AGAP1: variants seen among roughly 807,000 people sequenced by gnomAD.
The protein encoded by AGAP1 is ArfGAP with GTPase domain, ankyrin repeat and PH domain 1.
Under a neutral mutation model 105.3 loss-of-function variants are expected in AGAP1, and 29 were observed. The observed-to-expected ratio is 0.28, with a 90% CI of 0.21 to 0.38. The LOEUF (loss-of-function observed/expected upper bound fraction) is 0.38, where lower values mean the gene tolerates loss of function less well. AGAP1 is among the 10% of genes least tolerant of loss of function. The pLI is 1.00. For missense variants in AGAP1, 998 were observed against 1,165.1 expected, an observed-to-expected ratio of 0.86 and a Z score of 2.09; for synonymous variants, 509 against 485.9, an observed-to-expected ratio of 1.05 and a Z score of -0.63.
At chr2:235,807,427 T>C in intron 9 of AGAP1, 96 bp downstream of exon 9, 1 of 1,070,474 alleles carries the variant, frequency 9.3e-7, no homozygotes, top group Non-Finnish European at 1.3e-6. Context: ...GTCTGTCTGA[T>C]GTGCTCTGTT....
chr2:235,746,488 G>C (rs1434839130), intron 5 of AGAP1, among the ~76,000 whole-genome samples: 2 of 146,838 alleles, frequency 1.4e-5, no homozygotes, highest in East Asian at 4.1e-4. Context: ...GAAGGGAGGA[G>C]GGATTCTTAG....
At chr2:235,859,437 G>T (rs557966683) in intron 9 of AGAP1, among the ~76,000 whole-genome samples, 1 of 132,224 alleles carries the variant, frequency 7.6e-6, no homozygotes, top group South Asian at 2.3e-4. Context: ...TTCAAAATGG[G>T]AGCATATTAC....
intron 1 of AGAP1, among the ~76,000 whole-genome samples, chr2:235,546,542 G>A (rs540452285): frequency 6.6e-6 from 1 of 152,310 alleles, no homozygotes; most frequent in African/African-American, 2.4e-5. Flanking sequence ...CCAGGCTGTG[G>A]CCCTTCCAAG....
At chr2:235,579,296 C>T (rs113953382) in intron 1 of AGAP1, among the ~76,000 whole-genome samples, 7 of 152,270 alleles carry the variant, frequency 4.6e-5, no homozygotes, top group African/African-American at 1.4e-4. Flanking sequence ...CCTGGTGTGA[C>T]GTAACCTTTC....
Position 235,879,620 on chromosome 2 carries a change from A to G in AGAP1, c.1051-3725A>G, listed in dbSNP as rs1046109873. On this transcript the variant is annotated intron_variant, in intron 9 of 17. Transcript: ENST00000304032. This position sits in a 1 kb window ranked among gnomAD's most constrained non-coding sequence, Gnocchi z 5.0. ...CTGGCACAGTGGCTCACTCCCTGTC[A>G]TCCAGCACTTTCTAAAGACCTAAGC... 8.5e-5 allele frequency among the ~76,000 whole-genome samples: 13 copies of G among 152,116 alleles called. No homozygotes were observed. Among genetic ancestry groups the G allele is most frequent in the Non-Finnish European group, 1.2e-4 (8 of 68,016 alleles).
chr2:235,558,953 C>T (rs959941399), intron 1 of AGAP1, among the ~76,000 whole-genome samples: 4 of 151,900 alleles, frequency 2.6e-5, no homozygotes, highest in African/African-American at 4.8e-5. Flanking sequence ...GATAGGGTCT[C>T]GCTGTGTGTC....
intron 2 of AGAP1, 72 bp downstream of exon 2, chr2:235,709,309 C>T: frequency 5.9e-6 from 9 of 1,529,914 alleles, no homozygotes; most frequent in South Asian, 2.2e-5. Context: ...CCTGCATTCC[C>T]AGGCAACTGG....
At chr2:235,647,120 CAAAAAA>C (rs72255791) in intron 1 of AGAP1, among the ~76,000 whole-genome samples, 2 of 117,622 alleles carry the variant, frequency 1.7e-5, no homozygotes, top group African/African-American at 5.9e-5. Flanking sequence ...GACTCCGTCT[CAAAAAA>C]AAAAAAAAAA....
At chr2:235,760,533 A>G (rs1285495183) in intron 6 of AGAP1, among the ~76,000 whole-genome samples, 1 of 152,186 alleles carries the variant, frequency 6.6e-6, no homozygotes, top group East Asian at 1.9e-4. Context: ...CAATTATTTC[A>G]TCTTAGAAGT....
chr2:235,863,094 A>G (rs752423658), intron 9 of AGAP1, among the ~76,000 whole-genome samples: 1 of 152,234 alleles, frequency 6.6e-6, no homozygotes, highest in Non-Finnish European at 1.5e-5. Flanking sequence ...AGAATCATTC[A>G]GTAATTCATT....
At position 235,700,620 on chromosome 2, in the gene AGAP1, C is replaced by T. The variant is rs1031378850; in HGVS notation, c.164-8559C>T. Among the ~76,000 whole-genome samples the T allele has an allele frequency of 3.9e-5, 6 of 152,008 alleles. No homozygotes were observed. Among genetic ancestry groups the T allele is most frequent in the Middle Eastern group, 3.4e-3 (1 of 294 alleles). ...TTCCAGACCAGCCTGGGGAACATGG[C>T]GAAACCCCGTCTCTACTGAAAATAC... On this transcript the variant is annotated intron_variant, in intron 1 of 17. Transcript: ENST00000304032. The surrounding 1 kb of genome is among the most constrained non-coding windows in gnomAD (Gnocchi z 6.1).
intron 10 of AGAP1, among the ~76,000 whole-genome samples, chr2:235,894,365 AAC>A (rs1247790636): frequency 3.3e-5 from 5 of 152,118 alleles, no homozygotes; most frequent in African/African-American, 1.2e-4. Flanking sequence ...CTTCCCTGGG[AAC>A]AGCCAGAGTC....
intron 16 of AGAP1, among the ~76,000 whole-genome samples, chr2:236,067,356 T>C (rs983569205): frequency 1.3e-5 from 2 of 151,596 alleles, no homozygotes; most frequent in African/African-American, 4.9e-5. Context: ...CATCTATTAG[T>C]TTTTTTAAGG....
At chr2:235,985,659 TGCATATGGCTAGCCAGTTTTCC>T (rs2055282464) in intron 13 of AGAP1, among the ~76,000 whole-genome samples, 1 of 152,250 alleles carries the variant, frequency 6.6e-6, no homozygotes, top group South Asian at 2.1e-4. Context: ...TTCAGTTTTC[TGCATATGGCTAGCCAGTTTTCC>T]GCATATGACT....
intron 12 of AGAP1, among the ~76,000 whole-genome samples, chr2:235,944,882 C>G (rs2125232825): frequency 6.6e-6 from 1 of 152,280 alleles, no homozygotes; most frequent in Middle Eastern, 3.4e-3. Flanking sequence ...ACACCACCTT[C>G]TGAAGCAGTC....
intron 13 of AGAP1, among the ~76,000 whole-genome samples, chr2:235,995,342 T>C (rs1270552103): frequency 1.3e-5 from 2 of 151,682 alleles, no homozygotes; most frequent in African/African-American, 2.4e-5. Flanking sequence ...TGGTGAAACC[T>C]GTTTCTACTA....
In AGAP1 at chr2:235,728,701, A is replaced by C. The variant is rs893535499; in HGVS notation, c.310+11057A>C. On this transcript the variant is annotated intron_variant, in intron 3 of 17. Coordinates refer to ENST00000304032, the MANE Select transcript of AGAP1 (RefSeq NM_001037131.3). The surrounding 1 kb of genome is among the most constrained non-coding windows in gnomAD (Gnocchi z 4.3). ...ATGTTGTATATTTTTTTAAAAATTA[A>C]CACCACCATAAGCAAGAAGGAAAAA... 1.2e-4 allele frequency among the ~76,000 whole-genome samples: 19 copies of C among 152,280 alleles called. No individual in the cohort carries two copies. The highest frequency in any genetic ancestry group is 7.2e-5 in the African/African-American group (3 of 41,568).
At position 235,787,354 on chromosome 2, in the gene AGAP1, G is replaced by T. The variant is rs1956709558; in HGVS notation, c.674-10405G>T. On this transcript the variant is annotated intron_variant, in intron 6 of 17. Coordinates refer to ENST00000304032, the MANE Select transcript of AGAP1 (RefSeq NM_001037131.3). This position sits in a 1 kb window ranked among gnomAD's most constrained non-coding sequence, Gnocchi z 4.4. The stretch of plus-strand genomic sequence containing the variant: ...TTCCTGCTTTAAGTGCCTCTTCTAT[G>T]TCTGTGCAACATTCATTAATTTCTC... Among the ~76,000 whole-genome samples the T allele has an allele frequency of 6.6e-6, 1 of 152,176 alleles. No individual in the cohort carries two copies. Among genetic ancestry groups the T allele is most frequent in the Non-Finnish European group, 1.5e-5 (1 of 68,032 alleles).
intron 13 of AGAP1, among the ~76,000 whole-genome samples, chr2:236,016,158 T>C (rs945830984): frequency 1.3e-5 from 2 of 152,150 alleles, no homozygotes; most frequent in African/African-American, 2.4e-5. Flanking sequence ...TCTGTTAAGA[T>C]ACCAGTGGAG....
Sources: gnomAD v4.1 joint callset for allele counts (sites outside exome capture counted in the v4.1 genomes callset) on GRCh38, gnomAD v4.1.1 for gene constraint, Gnocchi (gnomAD v3.1) non-coding constraint, MANE v1.5 for transcripts, NCBI Gene and HGNC (gene_info 2026-07-23, HGNC 2026-07-21) for gene names.